Variants in TRIM37 observed in about 807,000 individuals in gnomAD.
The protein encoded by TRIM37 is E3 ubiquitin-protein ligase TRIM37.
Under a neutral mutation model 129.8 loss-of-function variants are expected in TRIM37, and 80 were observed. That is an observed-to-expected ratio of 0.62 (90% confidence interval 0.51 to 0.74). TRIM37 has a LOEUF of 0.74. Ranked by LOEUF, TRIM37 falls within the 30% of genes least tolerant of loss-of-function variation. The probability of loss-of-function intolerance (pLI) is 0.00; values close to 1 mark genes in which losing one functional copy is unlikely to be tolerated. For synonymous variants in TRIM37, 389 were observed against 387.1 expected, an observed-to-expected ratio of 1.00 and a Z score of -0.06; for missense variants, 1,054 against 1,176.5, an observed-to-expected ratio of 0.90 and a Z score of 1.52.
chr17:59,106,713 C>T lies in TRIM37; in HGVS notation c.-252G>A, dbSNP rs954491041. 1 of 582,294 alleles carries T rather than the reference C, an allele frequency of 1.7e-6. No individual in the cohort carries two copies. The highest frequency in any genetic ancestry group is 2.1e-5 in the South Asian group (1 of 48,400). 36.1% of individuals were successfully genotyped at this position (582,294 alleles called of 1,614,324 possible). The stretch of plus-strand genomic sequence containing the variant: ...GGCGAACGGTGGCCGCAGCTCCTTT[C>T]TCCCGGCTCAGCCGCCGGCCAGCAG... On this transcript the variant is annotated 5_prime_UTR_variant, in exon 1 of 24. Transcript: ENST00000262294.
the TRIM37 span, among the ~76,000 whole-genome samples, chr17:58,971,237 T>G: frequency 6.6e-6 from 1 of 152,148 alleles, no homozygotes; most frequent in Non-Finnish European, 1.5e-5. Flanking sequence ...GAACATTCTG[T>G]GTGGGAAGAC....
intron 2 of TRIM37, among the ~76,000 whole-genome samples, chr17:59,101,655 CAAAAAAAAA>C (rs763661189): frequency 0.015 from 883 of 58,670 alleles, 14 homozygotes; most frequent in South Asian, 0.024. Flanking sequence ...CCCATCTCTA[CAAAAAAAAA>C]AAAAAAAAAA....
At chr17:59,009,467 C>T (rs1238114680) in intron 22 of TRIM37, among the ~76,000 whole-genome samples, 9 of 132,390 alleles carry the variant, frequency 6.8e-5, no homozygotes, top group Non-Finnish European at 1.1e-4. Flanking sequence ...TTTTTTGAGA[C>T]GAAGTTTCAC....
chr17:59,003,007 C>T (rs944502266), intron 22 of TRIM37, among the ~76,000 whole-genome samples: 1 of 152,158 alleles, frequency 6.6e-6, no homozygotes, highest in Non-Finnish European at 1.5e-5. Flanking sequence ...CCCACCTCAG[C>T]CTCCCAACAG....
Position 58,999,209 on chromosome 17 carries a change from T to C in TRIM37, c.*168A>G. The C allele has an allele frequency of 1.3e-6, 2 of 1,509,266 alleles. No individual in the cohort carries two copies. The highest frequency in any genetic ancestry group is 2.4e-5 in the East Asian group (1 of 41,026). The allele number at this position is 1,509,266 out of a possible 1,614,324, so 93.5% of individuals were successfully genotyped here. A position where few individuals can be genotyped will look rare whatever the true frequency, so the allele number is the denominator to read the frequency against. On this transcript the variant is annotated 3_prime_UTR_variant, in exon 24 of 24. Transcript: ENST00000262294. ...TTTTTCCCATGTACTACTGCTGTCTTAGACTAAACTGTGCCACCTTCCAAC... is the reference window on the plus strand; with the variant it reads ...TTTTTCCCATGTACTACTGCTGTCTCAGACTAAACTGTGCCACCTTCCAAC...
chr17:59,082,649 A>C (rs1412743956), intron 5 of TRIM37, among the ~76,000 whole-genome samples: 7 of 152,220 alleles, frequency 4.6e-5, no homozygotes, highest in Non-Finnish European at 1.0e-4. Flanking sequence ...AGCTCAAAGA[A>C]CAATTTTTAT....
chr17:59,061,196 G>A, intron 11 of TRIM37, 88 bp from the exon 12 acceptor site: 1 of 989,108 alleles, frequency 1.0e-6, no homozygotes. Flanking sequence ...AGATTGAGAA[G>A]TACTTCTAAG....
chr17:59,057,448 T>A (rs894908878), intron 12 of TRIM37, among the ~76,000 whole-genome samples: 2 of 152,230 alleles, frequency 1.3e-5, no homozygotes, highest in Non-Finnish European at 2.9e-5. Context: ...CCTCAGGTGA[T>A]CCACCCACCT....
chr17:58,992,519 T>C (rs1468399021), intron 24 of TRIM37, among the ~76,000 whole-genome samples: 2 of 151,808 alleles, frequency 1.3e-5, no homozygotes, highest in Admixed American at 1.3e-4. Context: ...TAGTTGGGAT[T>C]ACAGGCATGC....
In TRIM37 at chr17:59,017,344, G is replaced by T. The variant is rs2036074004; in HGVS notation, c.2338C>A (p.Pro780Thr). The T allele has an allele frequency of 5.0e-6, 8 of 1,614,016 alleles. No homozygotes were observed. The highest frequency in any genetic ancestry group is 6.8e-6 in the Non-Finnish European group (8 of 1,179,990). ...CCCTTTGAACGACTATTTTCTCCAG[G>T]GTCCACTGCTCTTCGAAGTGATAGA... ...GSLSLRRAVD[P>T]GENSRSKGDC... The change falls in exon 20 of 24, where the codon CCT becomes ACT. Residue 780 changes from proline to threonine, a missense_variant. This residue lies in a region of TRIM37 where 287 missense variants were observed against 274.3 expected (regional missense o/e 1.05). Transcript: ENST00000262294.
intron 13 of TRIM37, 89 bp downstream of exon 13, chr17:59,056,786 T>C (rs982604804): frequency 5.2e-5 from 39 of 751,184 alleles, no homozygotes; most frequent in Non-Finnish European, 7.3e-5. Flanking sequence ...TCAATATTCA[T>C]CTTTGTTAAC....
At chr17:59,039,169 T>C (rs1217823693) in intron 17 of TRIM37, among the ~76,000 whole-genome samples, 1 of 152,216 alleles carries the variant, frequency 6.6e-6, no homozygotes, top group African/African-American at 2.4e-5. Context: ...TTGTCTACTA[T>C]GCATGCGTGT....
chr17:58,984,568 C>CGTAA (rs1417987853), intron 24 of TRIM37: 1 of 152,462 alleles, frequency 6.6e-6, no homozygotes, highest in Non-Finnish European at 1.5e-5. Flanking sequence ...TTCTTTGAAT[C>CGTAA]GTAAGTTAGC....
intron 2 of TRIM37, among the ~76,000 whole-genome samples, chr17:59,095,277 A>G (rs766935778): frequency 2.6e-4 from 40 of 152,174 alleles, no homozygotes; most frequent in Non-Finnish European, 4.6e-4. Context: ...TATTATGGCA[A>G]AGATACCAAA....
intron 17 of TRIM37, among the ~76,000 whole-genome samples, chr17:59,041,470 A>C (rs1195193141): frequency 6.6e-6 from 1 of 152,224 alleles, no homozygotes. Context: ...GGATACAAAC[A>C]AATCTGGGGA....
intron 12 of TRIM37, among the ~76,000 whole-genome samples, 175 bp downstream of exon 12, chr17:59,060,857 T>G (rs888661064): frequency 1.3e-5 from 2 of 152,200 alleles, no homozygotes; most frequent in African/African-American, 4.8e-5. Flanking sequence ...ATACAAGTTT[T>G]CTTAAAAATA....
At chr17:59,040,433 G>C (rs1446505471) in intron 17 of TRIM37, among the ~76,000 whole-genome samples, 2 of 152,060 alleles carry the variant, frequency 1.3e-5, no homozygotes, top group Non-Finnish European at 2.9e-5. Context: ...TAAAGTTTTA[G>C]GGAGAGGAAG....
intron 9 of TRIM37, among the ~76,000 whole-genome samples, chr17:59,064,812 G>A (rs1217321486): frequency 1.3e-5 from 2 of 152,166 alleles, no homozygotes; most frequent in Non-Finnish European, 2.9e-5. Context: ...TTGGGAGGCT[G>A]AGGCACGAGA....
At chr17:59,072,005 C>T (rs202219596) in intron 8 of TRIM37, among the ~76,000 whole-genome samples, 2 of 152,182 alleles carry the variant, frequency 1.3e-5, no homozygotes, top group East Asian at 3.8e-4. Context: ...ATACTGCAGG[C>T]TCAACCTCCA....
Sources: allele counts gnomAD v4.1 joint callset (sites outside exome capture counted in the v4.1 genomes callset), GRCh38; gene constraint gnomAD v4.1.1; regional missense constraint gnomAD v4.1.1; transcripts MANE v1.5; gene names NCBI Gene and HGNC (gene_info 2026-07-23, HGNC 2026-07-21).